The following NOL4 variants were observed in gnomAD, a reference collection of about 807,000 sequenced individuals.
NOL4 encodes the protein nucleolar protein 4, also known as cancer/testis antigen 125.
NOL4 carries 17 observed loss-of-function variants against 75.9 expected under a neutral mutation model. That is an observed-to-expected ratio of 0.22 (90% confidence interval 0.15 to 0.34). NOL4 has a LOEUF of 0.34. Ranked by LOEUF, NOL4 falls within the 10% of genes least tolerant of loss-of-function variation. The pLI is 1.00. For synonymous variants in NOL4, 292 were observed against 289.9 expected (o/e 1.01, Z -0.07); for missense variants, 614 against 793.5 (o/e 0.77, Z 2.72).
chr18:33,995,495 G>T (rs188814327), intron 6 of NOL4, among the ~76,000 whole-genome samples: 2 of 151,496 alleles, frequency 1.3e-5, no homozygotes, highest in East Asian at 3.9e-4. Context: ...TAAAAATATT[G>T]TCTCAATAGA....
intron 5 of NOL4, among the ~76,000 whole-genome samples, chr18:34,076,875 C>T (rs576602327): frequency 1.2e-4 from 19 of 152,274 alleles, no homozygotes; most frequent in African/African-American, 3.4e-4. Context: ...TTTTTAGCAA[C>T]ATGACTGATA....
At chr18:33,869,615 T>A (rs2144461967) in intron 10 of NOL4, among the ~76,000 whole-genome samples, 1 of 152,148 alleles carries the variant, frequency 6.6e-6, no homozygotes, top group Admixed American at 6.6e-5. Context: ...ATTTAAGAAA[T>A]CACAGTTAAT....
chr18:34,219,733 T>C (rs1417344875), intron 1 of NOL4, among the ~76,000 whole-genome samples: 2 of 152,260 alleles, frequency 1.3e-5, no homozygotes, highest in Admixed American at 6.5e-5. Context: ...TGAAAGAATG[T>C]ATAAAAATAA....
intron 9 of NOL4, among the ~76,000 whole-genome samples, chr18:33,925,792 A>G (rs1432954340): frequency 2.0e-5 from 3 of 152,146 alleles, no homozygotes; most frequent in Admixed American, 2.0e-4. Flanking sequence ...AATGCTTTGA[A>G]AAAAGGAAGG....
In NOL4 at chr18:34,095,752, C is replaced by T. The variant is rs528941055; in HGVS notation, c.640-2155G>A. Among the ~76,000 whole-genome samples, 169 of 152,124 alleles carry T rather than the reference C, an allele frequency of 1.1e-3. 3 individuals are homozygous for T. The highest frequency in any genetic ancestry group is 3.8e-3 in the African/African-American group (157 of 41,516). ...TATATAAAATTATGCACATTTATTA[C>T]AGTATATGAACATATACAACAAAAT... On this transcript the variant is annotated intron_variant, in intron 4 of 10. Transcript: ENST00000261592.
intron 10 of NOL4, among the ~76,000 whole-genome samples, chr18:33,877,146 ATT>A (rs2063975241): frequency 6.6e-6 from 1 of 151,922 alleles, no homozygotes; most frequent in Non-Finnish European, 1.5e-5. Context: ...CTTTTGTTTC[ATT>A]TGAAGTGTAC....
chr18:33,951,640 T>C (rs2069232462), intron 8 of NOL4, among the ~76,000 whole-genome samples: 2 of 152,272 alleles, frequency 1.3e-5, no homozygotes, highest in East Asian at 1.9e-4. Context: ...TTCTTTTTCA[T>C]ATTTAACTTC....
At chr18:33,915,252 G>A (rs1479797491) in intron 9 of NOL4, among the ~76,000 whole-genome samples, 2 of 152,062 alleles carry the variant, frequency 1.3e-5, no homozygotes, top group African/African-American at 4.8e-5. Flanking sequence ...CTTTGGTGAC[G>A]GGGTGGTAGC....
chr18:34,169,744 C>T (rs73955467), intron 1 of NOL4, among the ~76,000 whole-genome samples: 4,265 of 152,052 alleles, frequency 0.028, 205 homozygotes, highest in African/African-American at 0.098. Context: ...ATTGTATTAA[C>T]AAACTAAAAA....
At chr18:34,044,410 C>T (rs2076273107) in intron 5 of NOL4, among the ~76,000 whole-genome samples, 1 of 151,658 alleles carries the variant, frequency 6.6e-6, no homozygotes, top group Non-Finnish European at 1.5e-5. Context: ...TATATTAATG[C>T]CAAGATCAAA....
chr18:34,141,513 C>A (rs1422629425), intron 1 of NOL4, among the ~76,000 whole-genome samples: 1 of 152,176 alleles, frequency 6.6e-6, no homozygotes, highest in African/African-American at 2.4e-5. Flanking sequence ...AGAACAGAGC[C>A]CTCATAAATA....
At chr18:33,900,888 GC>G (rs2065708850) in intron 9 of NOL4, among the ~76,000 whole-genome samples, 1 of 152,110 alleles carries the variant, frequency 6.6e-6, no homozygotes, top group African/African-American at 2.4e-5. Flanking sequence ...TTGGATCTTG[GC>G]TTGTGTGTGT....
chr18:34,073,731 A>G (rs1201602617), intron 5 of NOL4, among the ~76,000 whole-genome samples: 2 of 152,092 alleles, frequency 1.3e-5, no homozygotes, highest in African/African-American at 4.8e-5. Flanking sequence ...AGCCTTGTAT[A>G]TATTAAGTAG....
chr18:33,868,447 C>T (rs771604192), intron 10 of NOL4, among the ~76,000 whole-genome samples: 2 of 151,986 alleles, frequency 1.3e-5, no homozygotes, highest in Non-Finnish European at 2.9e-5. Context: ...TTAACCATCA[C>T]ATTTATATAC....
At chr18:34,013,852 C>T (rs2074528255) in intron 6 of NOL4, among the ~76,000 whole-genome samples, 1 of 151,856 alleles carries the variant, frequency 6.6e-6, no homozygotes, top group Non-Finnish European at 1.5e-5. Flanking sequence ...GAGTGTCTCA[C>T]ACATATTAAG....
intron 6 of NOL4, among the ~76,000 whole-genome samples, chr18:33,987,006 T>C (rs1022720289): frequency 6.6e-6 from 1 of 151,930 alleles, no homozygotes; most frequent in Non-Finnish European, 1.5e-5. Context: ...TGATTGTCAG[T>C]GGGTAGGGAT....
intron 9 of NOL4, among the ~76,000 whole-genome samples, chr18:33,923,773 AAATT>A (rs1307979184): frequency 6.6e-6 from 1 of 152,208 alleles, no homozygotes; most frequent in African/African-American, 2.4e-5. Context: ...ATAAGAACAA[AAATT>A]ATTTACTAAG....
intron 10 of NOL4, among the ~76,000 whole-genome samples, chr18:33,875,453 G>A (rs2063889503): frequency 6.6e-6 from 1 of 152,020 alleles, no homozygotes; most frequent in South Asian, 2.1e-4. Context: ...GATTTGAAGG[G>A]CATCCTGGCA....
Position 34,063,942 on chromosome 18 carries a change from T to C in NOL4, c.772+29523A>G, listed in dbSNP as rs554877624. 1.4e-4 allele frequency among the ~76,000 whole-genome samples: 21 copies of C among 152,030 alleles called. 1 individual carries two copies. In the South Asian group the frequency reaches 2.5e-3, roughly 18 times the overall value. On this transcript the variant is annotated intron_variant, in intron 5 of 10. Coordinates refer to ENST00000261592, the MANE Select transcript of NOL4 (RefSeq NM_003787.5). ...TGCTTTTATTATGATTACACCACTCTAGAGAAAACAATTAACTCTATTTAT... is the reference window on the plus strand; with the variant it reads ...TGCTTTTATTATGATTACACCACTCCAGAGAAAACAATTAACTCTATTTAT...
Sources: allele counts gnomAD v4.1 joint callset (sites outside exome capture counted in the v4.1 genomes callset), GRCh38; gene constraint gnomAD v4.1.1; transcripts MANE v1.5; gene names NCBI Gene and HGNC (gene_info 2026-07-23, HGNC 2026-07-21).